NAALADL2: variants seen among roughly 807,000 people sequenced by gnomAD.
The protein encoded by NAALADL2 is N-acetylated alpha-linked acidic dipeptidase like 2.
NAALADL2 carries 76 observed loss-of-function variants against 87.2 expected under a neutral mutation model. The ratio of observed to expected loss-of-function variants is 0.87; its 90% confidence interval spans 0.72 to 1.05. NAALADL2 has a LOEUF of 1.05. Ranked by LOEUF, NAALADL2 falls within the 50% of genes least tolerant of loss-of-function variation. The probability of loss-of-function intolerance (pLI) is 0.00; values close to 1 mark genes in which losing one functional copy is unlikely to be tolerated. For synonymous variants in NAALADL2, 354 were observed against 331.0 expected (o/e 1.07, Z -0.75); for missense variants, 1,089 against 945.8 (o/e 1.15, Z -1.99).
intron 9 of NAALADL2, among the ~76,000 whole-genome samples, chr3:175,545,785 T>C (rs1421256007): frequency 6.6e-6 from 1 of 152,162 alleles, no homozygotes; most frequent in Non-Finnish European, 1.5e-5. Context: ...ATCAAAATTC[T>C]GAAAGATCTG....
At chr3:174,635,038 T>A (rs960768213) in intron 2 of NAALADL2, among the ~76,000 whole-genome samples, 3 of 152,230 alleles carry the variant, frequency 2.0e-5, no homozygotes, top group African/African-American at 7.2e-5. Flanking sequence ...AAAAATGTGA[T>A]CTTGCTTCAA....
chr3:175,621,309 A>G (rs984641740), intron 10 of NAALADL2, among the ~76,000 whole-genome samples: 2 of 152,222 alleles, frequency 1.3e-5, no homozygotes, highest in African/African-American at 4.8e-5. Flanking sequence ...AACAAATTCT[A>G]CTTAGGAATA....
At chr3:175,499,631 C>T (rs138314331) in intron 9 of NAALADL2, among the ~76,000 whole-genome samples, 1,760 of 152,022 alleles carry the variant, frequency 0.012, 36 homozygotes, top group African/African-American at 0.041. Context: ...GTCCGTGATT[C>T]GGATTGGAGC....
At chr3:175,149,980 C>T (rs1731306901) in intron 2 of NAALADL2, among the ~76,000 whole-genome samples, 1 of 151,960 alleles carries the variant, frequency 6.6e-6, no homozygotes, top group African/African-American at 2.4e-5. Context: ...TCTAGAGAGC[C>T]ATAATTATTT....
intron 10 of NAALADL2, among the ~76,000 whole-genome samples, chr3:175,592,279 C>T (rs1216500858): frequency 6.7e-6 from 1 of 150,052 alleles, no homozygotes; most frequent in Non-Finnish European, 1.5e-5. Flanking sequence ...GTTCCTCACA[C>T]CCTAGTCTAT....
At chr3:174,648,579 G>A (rs1724044155) in intron 2 of NAALADL2, among the ~76,000 whole-genome samples, 1 of 151,842 alleles carries the variant, frequency 6.6e-6, no homozygotes, top group Non-Finnish European at 1.5e-5. Context: ...TTTATTTATG[G>A]TTTCCAGTAT....
chr3:174,763,975 A>G (rs1395040592), intron 3 of NAALADL2, among the ~76,000 whole-genome samples: 2 of 152,210 alleles, frequency 1.3e-5, no homozygotes, highest in Admixed American at 1.3e-4. Context: ...TGAGGCTGAG[A>G]ATGAGGAAAT....
intron 11 of NAALADL2, among the ~76,000 whole-genome samples, chr3:175,680,172 CT>C (rs1323449058): frequency 1.3e-5 from 2 of 152,118 alleles, no homozygotes; most frequent in African/African-American, 4.8e-5. Flanking sequence ...AAGCCTTGCT[CT>C]TTTGATTGTT....
intron 13 of NAALADL2, among the ~76,000 whole-genome samples, chr3:175,780,616 T>C (rs1202669136): frequency 6.6e-6 from 1 of 152,176 alleles, no homozygotes; most frequent in Non-Finnish European, 1.5e-5. Context: ...AGCCTTTATT[T>C]ATTCACAGCT....
intron 10 of NAALADL2, among the ~76,000 whole-genome samples, chr3:175,582,181 G>A (rs1436191478): frequency 4.0e-5 from 6 of 150,484 alleles, no homozygotes; most frequent in African/African-American, 9.8e-5. Context: ...AAGAGTCTGA[G>A]GAATAAACAC....
At chr3:175,718,532 G>C in intron 11 of NAALADL2, 2 of 1,590,888 alleles carry the variant, frequency 1.3e-6, no homozygotes, top group Non-Finnish European at 1.7e-6. Context: ...TGTCCATCTT[G>C]TAAGTGTCAT....
chr3:174,949,599 G>A (rs969760211), intron 1 of NAALADL2, among the ~76,000 whole-genome samples: 3 of 152,226 alleles, frequency 2.0e-5, no homozygotes, highest in Admixed American at 1.3e-4. Context: ...CTCAGAATTT[G>A]GACCAGGACC....
chr3:174,533,432 C>G (rs1052185501), intron 1 of NAALADL2, among the ~76,000 whole-genome samples: 1 of 152,122 alleles, frequency 6.6e-6, no homozygotes, highest in South Asian at 2.1e-4. Flanking sequence ...TCTATTGGCT[C>G]TCAAAAGCTA....
intron 2 of NAALADL2, among the ~76,000 whole-genome samples, chr3:174,728,907 C>G (rs978594182): frequency 1.8e-4 from 27 of 152,010 alleles, no homozygotes; most frequent in African/African-American, 6.5e-4. Flanking sequence ...TATTGTTTTA[C>G]TAATAACTCA....
At chr3:174,862,435 C>G (rs1247399587) in intron 1 of NAALADL2, among the ~76,000 whole-genome samples, 1 of 151,960 alleles carries the variant, frequency 6.6e-6, no homozygotes, top group Non-Finnish European at 1.5e-5. Context: ...CTTACCTCTT[C>G]TCTGCCTCGA....
chr3:174,462,014 G>C (rs1371687687), intron 1 of NAALADL2, among the ~76,000 whole-genome samples: 1 of 151,678 alleles, frequency 6.6e-6, no homozygotes, highest in African/African-American at 2.4e-5. Context: ...ACTATTTTAG[G>C]AATTTGTCTT....
intron 1 of NAALADL2, among the ~76,000 whole-genome samples, chr3:174,537,616 G>A (rs925755954): frequency 3.3e-5 from 5 of 152,130 alleles, no homozygotes; most frequent in African/African-American, 9.7e-5. Context: ...GAACAATAGC[G>A]ACAGCATGGA....
At chr3:174,563,871 G>A (rs529979187) in intron 2 of NAALADL2, among the ~76,000 whole-genome samples, 5 of 152,146 alleles carry the variant, frequency 3.3e-5, no homozygotes, top group East Asian at 1.9e-4. Flanking sequence ...GACAAAACCC[G>A]TCGTAAGAGT....
chr3:175,740,099 G>A (rs1745034996), intron 12 of NAALADL2, among the ~76,000 whole-genome samples: 1 of 152,108 alleles, frequency 6.6e-6, no homozygotes, highest in Non-Finnish European at 1.5e-5. Flanking sequence ...AATTATAGGA[G>A]GAGACCAAGG....
Sources: allele counts gnomAD v4.1 joint callset (sites outside exome capture counted in the v4.1 genomes callset), GRCh38; gene constraint gnomAD v4.1.1; transcripts MANE v1.5; gene names NCBI Gene and HGNC (gene_info 2026-07-23, HGNC 2026-07-21).